Variants in LCAT observed in about 807,000 individuals in gnomAD.
The protein encoded by LCAT is lecithin-cholesterol acyltransferase.
Under a neutral mutation model 41.0 loss-of-function variants are expected in LCAT, and 15 were observed. That is an observed-to-expected ratio of 0.37 (90% CI 0.24 to 0.56). The LOEUF (loss-of-function observed/expected upper bound fraction) is 0.56. Ranked by LOEUF, LCAT falls within the 20% of genes least tolerant of loss-of-function variation. The probability of loss-of-function intolerance (pLI) is 0.81; values close to 1 mark genes in which losing one functional copy is unlikely to be tolerated. For missense variants in LCAT, 449 were observed against 595.1 expected (o/e 0.75, Z 2.55); for synonymous variants, 248 against 245.4 (o/e 1.01, Z -0.10).
chr16:67,943,343 T>G lies in LCAT; in HGVS notation c.155-131A>C. 5 of 751,236 alleles carry G rather than the reference T, an allele frequency of 6.7e-6. No homozygotes were observed. The highest frequency in any genetic ancestry group is 8.7e-6 in the Non-Finnish European group (4 of 462,372). The allele number at this position is 751,236 out of a possible 1,614,324, so 46.5% of individuals were successfully genotyped here. A position where few individuals can be genotyped will look rare whatever the true frequency, so the allele number is the denominator to read the frequency against. On this transcript the variant is annotated intron_variant, in intron 1 of 5. Coordinates refer to ENST00000264005, the MANE Select transcript of LCAT (RefSeq NM_000229.2). This position sits in a 1 kb window ranked among gnomAD's most constrained non-coding sequence, Gnocchi z 4.6. Reference sequence around the variant, plus strand: ...CTCAACCCCCAGGTACAAAGCACACTTACCCTCCCCTGCTTACACCCCCTC... The same window carrying G: ...CTCAACCCCCAGGTACAAAGCACACGTACCCTCCCCTGCTTACACCCCCTC...
intron 5 of LCAT, 58 bp from the exon 6 acceptor site, chr16:67,940,536 A>AC (rs2058286432): frequency 3.1e-6 from 5 of 1,607,594 alleles, no homozygotes; most frequent in African/African-American, 1.3e-5. Flanking sequence ...CTGGCCCACA[A>AC]CCTGCTGAGT....
Position 67,943,914 on chromosome 16 carries a change from G to A in LCAT, c.154+34C>T. 2.0e-6 allele frequency: 3 copies of A among 1,526,046 alleles called. No homozygotes were observed. The highest frequency in any genetic ancestry group is 2.7e-6 in the Non-Finnish European group (3 of 1,131,488). The allele number at this position is 1,526,046 out of a possible 1,614,324, so 94.5% of individuals were successfully genotyped here. On this transcript the variant is annotated intron_variant, in intron 1 of 5. Coordinates refer to ENST00000264005, the MANE Select transcript of LCAT (RefSeq NM_000229.2). The surrounding 1 kb of genome is among the most constrained non-coding windows in gnomAD (Gnocchi z 4.6). Reference sequence around the variant, plus strand: ...CTGGGGCCCAGGCTCCCCAGGGTCTGGCGTGGTGCATCAGGGGCCTGGTGG... The same window carrying A: ...CTGGGGCCCAGGCTCCCCAGGGTCTAGCGTGGTGCATCAGGGGCCTGGTGG...
At position 67,942,162 on chromosome 16, in the gene LCAT, T is replaced by C; in HGVS notation, c.748+201A>G. ...GTGTTCACTGCCCCTTTGCCATCAC[T>C]GACACAGACTCTGGAAGGAGCCACC... On this transcript the variant is annotated intron_variant, in intron 5 of 5. Coordinates refer to ENST00000264005, the MANE Select transcript of LCAT (RefSeq NM_000229.2). This position sits in a 1 kb window ranked among gnomAD's most constrained non-coding sequence, Gnocchi z 6.6. The C allele has an allele frequency of 7.3e-7, 1 of 1,366,710 alleles. No individual in the cohort carries two copies. Among genetic ancestry groups the C allele is most frequent in the Admixed American group, 2.2e-5 (1 of 44,930 alleles). The allele number at this position is 1,366,710 out of a possible 1,614,324, so 84.7% of individuals were successfully genotyped here. A position where few individuals can be genotyped will look rare whatever the true frequency, so the allele number is the denominator to read the frequency against.
intron 5 of LCAT, chr16:67,940,969 C>T (rs2058288251): frequency 5.8e-6 from 1 of 171,428 alleles, no homozygotes; most frequent in Admixed American, 5.5e-5. Context: ...CGCACCACTG[C>T]ACTGTAGCCT....
Position 67,943,012 on chromosome 16 carries a change from C to A in LCAT, c.312-36G>T, listed in dbSNP as rs949473115. 40 of 1,613,648 alleles carry A rather than the reference C, an allele frequency of 2.5e-5. No individual in the cohort carries two copies. Among genetic ancestry groups the A allele is most frequent in the Non-Finnish European group, 3.4e-5 (40 of 1,179,862 alleles). ...GGGGTGCCACTCAGCAGCCAGTAGC[C>A]AAGGGGCAGCGTGTTGGGGCTAGGG... is the stretch of plus-strand genomic sequence containing the variant. On this transcript the variant is annotated intron_variant, in intron 2 of 5. Coordinates refer to ENST00000264005, the MANE Select transcript of LCAT (RefSeq NM_000229.2). The surrounding 1 kb of genome is among the most constrained non-coding windows in gnomAD (Gnocchi z 4.6).
rs745320775 is a variant in LCAT at position 67,940,425 on chromosome 16, G to A, written c.802C>T (p.Arg268Cys). The A allele has an allele frequency of 3.7e-6, 6 of 1,613,986 alleles. No individual in the cohort carries two copies. The highest frequency in any genetic ancestry group is 1.1e-5 in the South Asian group (1 of 91,080). Residue 268 changes from arginine (R) to cysteine (C), a missense_variant, in exon 6 of 6, where the codon CGC becomes TGC. Transcript: ENST00000264005. ...ATCCAGGGGGAGGTGGTGGTTATGC[G>A]CTGCTCCTCTTTCAGCTTGATGCTG... ...MSSIKLKEEQ[R>C]ITTTSPWMFP...
Position 67,940,017 on chromosome 16 carries a change from T to C in LCAT, c.1210A>G (p.Met404Val), listed in dbSNP as rs779114194. Residue 404 changes from methionine (M) to valine (V), a missense_variant, in exon 6 of 6, where the codon ATG becomes GTG. Met to Val is a conservative substitution (Grantham distance 21, BLOSUM62 1). Transcript: ENST00000264005. ...LPLHGIQHLN[M>V]VFSNLTLEHI... ...TCCAGGGTCAGGTTGCTGAAGACCA[T>C]GTTGAGATGCTGTATCCCGTGCAGG... is the stretch of plus-strand genomic sequence containing the variant. 1.9e-6 allele frequency: 3 copies of C among 1,613,408 alleles called. No individual in the cohort carries two copies. Among genetic ancestry groups the C allele is most frequent in the Non-Finnish European group, 2.5e-6 (3 of 1,180,008 alleles).
chr16:67,944,097 C>T lies in LCAT; in HGVS notation c.5G>A (p.Gly2Glu). 6.5e-7 allele frequency: 1 copy of T among 1,547,408 alleles called. No individual in the cohort carries two copies. Among genetic ancestry groups the T allele is most frequent in the Non-Finnish European group, 8.7e-7 (1 of 1,145,986 alleles). The change falls in exon 1 of 6, where the codon GGG (glycine) becomes GAG (glutamate). Residue 2 changes from glycine (G) to glutamate (E), a missense_variant. Transcript: ENST00000264005. The surrounding 1 kb of genome is among the most constrained non-coding windows in gnomAD (Gnocchi z 6.6). M[G>E]PPGSPWQWVT... is the part of the protein sequence containing the mutation. ...CCACTGCCATGGGGAGCCGGGCGGC[C>T]CCATTCCAGCCCTGGTGCCTACTGC...
chr16:67,941,620 GA>G (rs575990770), intron 5 of LCAT: 209 of 901,530 alleles, frequency 2.3e-4, no homozygotes, highest in Middle Eastern at 5.7e-4. Flanking sequence ...GTCTGAAAAA[GA>G]AAAAAAAAAG....
rs757555528 is a variant in LCAT, at chr16:67,942,596, G to A, written c.524-9C>T. 3.7e-6 allele frequency: 6 copies of A among 1,613,200 alleles called. No individual in the cohort carries two copies. Among genetic ancestry groups the A allele is most frequent in the Non-Finnish European group, 4.2e-6 (5 of 1,179,958 alleles). On this transcript the variant is annotated splice_polypyrimidine_tract_variant and intron_variant, in intron 4 of 5. Transcript: ENST00000264005. The surrounding 1 kb of genome is among the most constrained non-coding windows in gnomAD (Gnocchi z 6.6). ...GTACTCCTCCTGCTGGCCTGCAGCG[G>A]GTGGAAGGGGTCAGGGCAGCTGGGG...
At chr16:67,941,906 G>A (rs2058293417) in intron 5 of LCAT, 1 of 1,146,936 alleles carries the variant, frequency 8.7e-7, no homozygotes, top group South Asian at 1.9e-5. Context: ...TACAGGGGGT[G>A]GGGAGTAGGT....
chr16:67,940,252 C>T lies in LCAT; in HGVS notation c.975G>A (p.Leu325=). The change falls in exon 6 of 6, where the codon CTG becomes CTA. Residue 325 remains leucine (L), a synonymous_variant. Transcript: ENST00000264005. ...CCACACCAGGTGCTGGGAGTCCTGC[C>T]AGGAGGTCACGTGACTGCAGCCACA... is the stretch of plus-strand genomic sequence containing the variant. ...WYMWLQSRDL[L]AGLPAPGVEV... The T allele has an allele frequency of 6.2e-7, 1 of 1,613,824 alleles. No individual in the cohort carries two copies.
chr16:67,942,792 G>A lies in LCAT; in HGVS notation c.428-26C>T, dbSNP rs368584063. 1.2e-5 allele frequency: 19 copies of A among 1,612,684 alleles called. No homozygotes were observed. Among genetic ancestry groups the A allele is most frequent in the East Asian group, 4.5e-5 (2 of 44,884 alleles). On this transcript the variant is annotated intron_variant, in intron 3 of 5. Transcript: ENST00000264005. The surrounding 1 kb of genome is among the most constrained non-coding windows in gnomAD (Gnocchi z 6.6). ...CTGTGGGGGGACCAGCAGCACCGGGGGCTTGGGCCATGCCTGCTGTGGGCC... is the reference window on the plus strand; with the variant it reads ...CTGTGGGGGGACCAGCAGCACCGGGAGCTTGGGCCATGCCTGCTGTGGGCC...
In LCAT at chr16:67,943,575, T is replaced by C; in HGVS notation, c.155-363A>G. The C allele has an allele frequency of 2.0e-6, 1 of 497,912 alleles. No homozygotes were observed. The highest frequency in any genetic ancestry group is 3.7e-6 in the Non-Finnish European group (1 of 272,266). 30.8% of individuals were successfully genotyped at this position (497,912 alleles called of 1,614,324 possible). A position where few individuals can be genotyped will look rare whatever the true frequency, so the allele number is the denominator to read the frequency against. Reference sequence around the variant, plus strand: ...TAGGGGCCGGGCATGGATGGGCCTCTCCTGCTCACCGATCCTGGGCTGGGC... The same window carrying C: ...TAGGGGCCGGGCATGGATGGGCCTCCCCTGCTCACCGATCCTGGGCTGGGC... On this transcript the variant is annotated intron_variant, in intron 1 of 5. Transcript: ENST00000264005. This position sits in a 1 kb window ranked among gnomAD's most constrained non-coding sequence, Gnocchi z 4.6.
rs1010314223 is a variant in LCAT at position 67,943,910 on chromosome 16, G to A, written c.154+38C>T. ...GGGGCTGGGGCCCAGGCTCCCCAGG[G>A]TCTGGCGTGGTGCATCAGGGGCCTG... On this transcript the variant is annotated intron_variant, in intron 1 of 5. Coordinates refer to ENST00000264005, the MANE Select transcript of LCAT (RefSeq NM_000229.2). The surrounding 1 kb of genome is among the most constrained non-coding windows in gnomAD (Gnocchi z 4.6). 6.6e-7 allele frequency: 1 copy of A among 1,518,590 alleles called. No homozygotes were observed. The allele number at this position is 1,518,590 out of a possible 1,614,324, so 94.1% of individuals were successfully genotyped here. A position where few individuals can be genotyped will look rare whatever the true frequency, so the allele number is the denominator to read the frequency against.
intron 5 of LCAT, 131 bp from the exon 6 acceptor site, chr16:67,940,609 G>A (rs2058286738): frequency 7.0e-7 from 1 of 1,419,958 alleles, no homozygotes; most frequent in African/African-American, 1.4e-5. Context: ...CTAAGCCACA[G>A]GCTTGAGCAG....
chr16:67,942,771 G>A lies in LCAT; in HGVS notation c.428-5C>T, dbSNP rs755919528. On this transcript the variant is annotated splice_polypyrimidine_tract_variant and splice_region_variant and intron_variant, in intron 3 of 5. Coordinates refer to ENST00000264005, the MANE Select transcript of LCAT (RefSeq NM_000229.2). This position sits in a 1 kb window ranked among gnomAD's most constrained non-coding sequence, Gnocchi z 6.6. The stretch of plus-strand genomic sequence containing the variant: ...GCACCAGTGTGTGCAGGTACCCTGT[G>A]GGGGGACCAGCAGCACCGGGGGCTT... 1 of 1,612,688 alleles carries A rather than the reference G, an allele frequency of 6.2e-7. No homozygotes were observed. Among genetic ancestry groups the A allele is most frequent in the South Asian group, 1.1e-5 (1 of 91,082 alleles).
rs2058313031 is a variant in LCAT, at chr16:67,943,997, G to A, written c.105C>T (p.His35=). Residue 35 remains histidine (H), a synonymous_variant, in exon 1 of 6, where the codon CAC becomes CAT. Coordinates refer to ENST00000264005, the MANE Select transcript of LCAT (RefSeq NM_000229.2). This position sits in a 1 kb window ranked among gnomAD's most constrained non-coding sequence, Gnocchi z 4.6. ...FWLLNVLFPP[H]TTPKAELSNH... is the part of the protein sequence containing the mutation. Reference sequence around the variant, plus strand: ...TACTGAGCTCAGCCTTGGGCGTGGTGTGCGGGGGGAAGAGCACATTGAGGA... The same window carrying A: ...TACTGAGCTCAGCCTTGGGCGTGGTATGCGGGGGGAAGAGCACATTGAGGA... 1 of 1,548,738 alleles carries A rather than the reference G, an allele frequency of 6.5e-7. No homozygotes were observed. Among genetic ancestry groups the A allele is most frequent in the Non-Finnish European group, 8.7e-7 (1 of 1,145,970 alleles).
In LCAT at chr16:67,943,965, G is replaced by C; in HGVS notation, c.137C>G (p.Thr46Arg). The change falls in exon 1 of 6, where the codon ACA (threonine) becomes AGA (arginine). Residue 46 changes from threonine to arginine, a missense_variant. Transcript: ENST00000264005. This position sits in a 1 kb window ranked among gnomAD's most constrained non-coding sequence, Gnocchi z 4.6. Reference protein sequence around the residue: ...TTPKAELSNHTRPVILVPGCL... With the variant: ...TTPKAELSNHRRPVILVPGCL... ...GGGCTTACCGAGGATGACGGGCCGT[G>C]TGTGGTTACTGAGCTCAGCCTTGGG... 1 of 1,547,920 alleles carries C rather than the reference G, an allele frequency of 6.5e-7. No individual in the cohort carries two copies. Among genetic ancestry groups the C allele is most frequent in the Non-Finnish European group, 8.7e-7 (1 of 1,145,256 alleles).
Sources: gnomAD v4.1 joint callset for allele counts on GRCh38, gnomAD v4.1.1 for gene constraint, Gnocchi (gnomAD v3.1) non-coding constraint, MANE v1.5 for transcripts, NCBI Gene and HGNC (gene_info 2026-07-23, HGNC 2026-07-21) for gene names.